Variants in CUX1 observed in about 807,000 individuals in gnomAD.
CUX1 encodes cut like homeobox 1, also known as protein CASP.
A neutral mutation model predicts 158.8 loss-of-function variants in CUX1; 31 were observed. The observed-to-expected ratio is 0.20, with a 90% CI of 0.15 to 0.26. The LOEUF (loss-of-function observed/expected upper bound fraction) is 0.26, where lower values mean the gene tolerates loss of function less well. Among genes scored for constraint, CUX1 ranks in the 10% least tolerant of loss-of-function variants. The pLI, the probability that CUX1 is intolerant of heterozygous loss-of-function variation, is 1.00. For synonymous variants in CUX1, 879 were observed against 862.1 expected (o/e 1.02, Z -0.34); for missense variants, 1,589 against 2,014.6 (o/e 0.79, Z 4.04).
At chr7:101,966,001 T>C (rs1811161689) in intron 2 of CUX1, among the ~76,000 whole-genome samples, 1 of 151,418 alleles carries the variant, frequency 6.6e-6, no homozygotes, top group East Asian at 1.9e-4. Context: ...ATTAGAACAG[T>C]GGGTTTCTGG....
At chr7:101,903,360 G>T (rs1025459902) in intron 1 of CUX1, among the ~76,000 whole-genome samples, 33 of 152,286 alleles carry the variant, frequency 2.2e-4, no homozygotes, top group African/African-American at 7.9e-4. Flanking sequence ...TACCCTAGGG[G>T]GCTGGCTGGG....
At chr7:101,975,685 T>C (rs1812576010) in intron 2 of CUX1, among the ~76,000 whole-genome samples, 1 of 152,202 alleles carries the variant, frequency 6.6e-6, no homozygotes, top group African/African-American at 2.4e-5. Context: ...GGTCAAAAAA[T>C]ATATATTGCC....
At chr7:102,184,064 A>G (rs1793397103) in intron 11 of CUX1, among the ~76,000 whole-genome samples, 1 of 151,980 alleles carries the variant, frequency 6.6e-6, no homozygotes, top group Non-Finnish European at 1.5e-5. Context: ...CACCCGGCGA[A>G]TTTTTATATC....
At chr7:102,212,426 C>T (rs1554523408) in intron 20 of CUX1, among the ~76,000 whole-genome samples, 2 of 152,316 alleles carry the variant, frequency 1.3e-5, no homozygotes, top group East Asian at 3.9e-4. Flanking sequence ...AACTCGGCCC[C>T]CCAAAGTCTC....
chr7:101,961,962 C>T (rs1810556472), intron 2 of CUX1: 1 of 151,258 alleles, frequency 6.6e-6, no homozygotes, highest in African/African-American at 2.4e-5. Flanking sequence ...AGTATATATA[C>T]AGTATTATTA....
Position 102,249,080 on chromosome 7 carries a change from G to C in CUX1, c.*38G>C. 2.4e-6 allele frequency: 3 copies of C among 1,248,156 alleles called. No homozygotes were observed. Among genetic ancestry groups the C allele is most frequent in the Non-Finnish European group, 2.0e-6 (2 of 988,940 alleles). The allele number at this position is 1,248,156 out of a possible 1,614,324, so 77.3% of individuals were successfully genotyped here. On this transcript the variant is annotated 3_prime_UTR_variant, in exon 24 of 24. Transcript: ENST00000292535. Reference sequence around the variant, plus strand: ...CTGGGGCGGGCAGCCAGGCTGGGCCGCAAGGGCCTGGACGGGGTCGGACGG... The same window carrying C: ...CTGGGGCGGGCAGCCAGGCTGGGCCCCAAGGGCCTGGACGGGGTCGGACGG...
At chr7:102,036,708 G>T (rs1184605585) in intron 3 of CUX1, among the ~76,000 whole-genome samples, 1 of 150,462 alleles carries the variant, frequency 6.6e-6, no homozygotes, top group Non-Finnish European at 1.5e-5. Context: ...TGCCACTGCA[G>T]TCCAGCCTGG....
chr7:101,821,431 C>T (rs1792483357), intron 1 of CUX1, among the ~76,000 whole-genome samples: 1 of 151,394 alleles, frequency 6.6e-6, no homozygotes, highest in Non-Finnish European at 1.5e-5. Context: ...CTCCGCCTCC[C>T]GGGTTCACAC....
At chr7:101,835,412 G>C (rs962164519) in intron 1 of CUX1, among the ~76,000 whole-genome samples, 1 of 151,972 alleles carries the variant, frequency 6.6e-6, no homozygotes, top group Non-Finnish European at 1.5e-5. Context: ...GTAAACATTC[G>C]AGCTGTTTCC....
intron 8 of CUX1, among the ~76,000 whole-genome samples, chr7:102,139,803 C>T (rs932647436): frequency 4.7e-5 from 7 of 149,386 alleles, no homozygotes; most frequent in Admixed American, 1.3e-4. Flanking sequence ...AGGGGCACAC[C>T]AGCACACCCA....
At chr7:101,908,932 G>C (rs1803080577) in intron 1 of CUX1, among the ~76,000 whole-genome samples, 1 of 152,220 alleles carries the variant, frequency 6.6e-6, no homozygotes, top group African/African-American at 2.4e-5. Flanking sequence ...CTGGAGTCCA[G>C]GTGTGAGCTA....
chr7:102,149,516 C>G (rs114240950), intron 8 of CUX1, among the ~76,000 whole-genome samples: 2,186 of 152,122 alleles, frequency 0.014, 43 homozygotes, highest in African/African-American at 0.049. Flanking sequence ...GCCCACTCCT[C>G]CCCTGGGACA....
At chr7:102,135,571 T>TG (rs1833815281) in intron 8 of CUX1, among the ~76,000 whole-genome samples, 1 of 149,240 alleles carries the variant, frequency 6.7e-6, no homozygotes, top group Non-Finnish European at 1.5e-5. Flanking sequence ...GTGTGTGTGT[T>TG]TGTGTGTGTG....
chr7:102,216,403 T>C (rs919910697), intron 20 of CUX1, among the ~76,000 whole-genome samples: 5 of 151,786 alleles, frequency 3.3e-5, no homozygotes, highest in African/African-American at 1.2e-4. Context: ...ATTTCACTAT[T>C]AGAATGGCAG....
chr7:102,129,797 A>G (rs956286916), intron 8 of CUX1, among the ~76,000 whole-genome samples: 2 of 152,222 alleles, frequency 1.3e-5, no homozygotes, highest in African/African-American at 4.8e-5. Flanking sequence ...GTCCCCGCCC[A>G]GCTGACTGTG....
In CUX1 at chr7:101,817,815, G is replaced by A; in HGVS notation, c.30+146G>A. On this transcript the variant is annotated intron_variant, in intron 1 of 23. Transcript: ENST00000292535. This position sits in a 1 kb window ranked among gnomAD's most constrained non-coding sequence, Gnocchi z 4.1. ...GATAGGAGGGTTCCTCAGGGCCCCT[G>A]GGGAACTGCAGCTACTCCCAACTGC... The A allele has an allele frequency of 1.0e-6, 1 of 958,802 alleles. No individual in the cohort carries two copies. The highest frequency in any genetic ancestry group is 1.7e-5 in the African/African-American group (1 of 59,660). 59.4% of individuals were successfully genotyped at this position (958,802 alleles called of 1,614,324 possible).
chr7:101,990,764 A>G (rs978282133), intron 2 of CUX1, among the ~76,000 whole-genome samples: 1 of 152,188 alleles, frequency 6.6e-6, no homozygotes, highest in Non-Finnish European at 1.5e-5. Flanking sequence ...AGTGGCTGCT[A>G]AATGTCAGTG....
intron 2 of CUX1, among the ~76,000 whole-genome samples, chr7:101,992,175 T>G (rs565012801): frequency 6.6e-6 from 1 of 152,200 alleles, no homozygotes; most frequent in East Asian, 1.9e-4. Flanking sequence ...GGGGGTGCAC[T>G]TCTTCTAGCC....
chr7:101,921,117 C>T (rs112203991), intron 2 of CUX1, among the ~76,000 whole-genome samples: 6 of 152,294 alleles, frequency 3.9e-5, no homozygotes, highest in African/African-American at 1.4e-4. Context: ...AGCCACTGCG[C>T]CCAGCTCTGA....
Sources: gnomAD v4.1 joint callset for allele counts (sites outside exome capture counted in the v4.1 genomes callset) on GRCh38, gnomAD v4.1.1 for gene constraint, Gnocchi (gnomAD v3.1) non-coding constraint, MANE v1.5 for transcripts, NCBI Gene and HGNC (gene_info 2026-07-23, HGNC 2026-07-21) for gene names.